The following TRIM34 variants were observed in gnomAD, a reference collection of about 807,000 sequenced individuals.
TRIM34 encodes tripartite motif containing 34, also known as E3 ubiquitin-protein ligase TRIM34.
A neutral mutation model predicts 38.1 loss-of-function variants in TRIM34; 41 were observed. The observed-to-expected ratio is 1.08, with a 90% CI of 0.84 to 1.40. TRIM34 has a LOEUF of 1.40. Among genes scored for constraint, TRIM34 ranks in the 40% most tolerant of loss-of-function variants. TRIM34 has a pLI of 0.00. For missense variants in TRIM34, 556 were observed against 571.4 expected, an observed-to-expected ratio of 0.97 and a Z score of 0.27; for synonymous variants, 200 against 202.5, an observed-to-expected ratio of 0.99 and a Z score of 0.10.
upstream of TRIM34, among the ~76,000 whole-genome samples, chr11:5,622,129 T>A (rs1230135192): frequency 6.6e-6 from 1 of 152,100 alleles, no homozygotes; most frequent in Admixed American, 6.6e-5. Flanking sequence ...TCCATTGAAC[T>A]CAGAGAAATG....
intron 3 of TRIM34, among the ~76,000 whole-genome samples, chr11:5,634,168 T>C (rs943098682): frequency 1.3e-5 from 2 of 152,160 alleles, no homozygotes; most frequent in African/African-American, 4.8e-5. Context: ...CCAACGGGGC[T>C]CTACTACTTC....
intron 4 of TRIM34, among the ~76,000 whole-genome samples, chr11:5,639,731 C>T (rs777224448): frequency 2.9e-5 from 4 of 137,298 alleles, no homozygotes; most frequent in Admixed American, 7.4e-5. Context: ...TGCCTATAGG[C>T]GGTGGATAGA....
chr11:5,628,132 A>G (rs532428246), intron 1 of TRIM34, among the ~76,000 whole-genome samples: 4 of 152,170 alleles, frequency 2.6e-5, no homozygotes, highest in Non-Finnish European at 4.4e-5. Context: ...GTTACTCTGC[A>G]CTTTTCTCAT....
chr11:5,627,520 C>T (rs1345692500), intron 1 of TRIM34, among the ~76,000 whole-genome samples: 1 of 152,160 alleles, frequency 6.6e-6, no homozygotes, highest in East Asian at 1.9e-4. Flanking sequence ...AGCATATTCT[C>T]ACGAAGTAAC....
At position 5,629,264 on chromosome 11, in the gene TRIM34, G is replaced by A. The variant is rs557007348; in HGVS notation, c.-77-2991G>A. 2.8e-4 allele frequency among the ~76,000 whole-genome samples: 42 copies of A among 151,698 alleles called. No homozygotes were observed. The Middle Eastern group carries it at 0.01, about 37-fold the overall frequency. Reference sequence around the variant, plus strand: ...TGCATTCCAGCCTGGGCGACAGAGCGAAACTCCATCTCAAAAAAAAACAAA... The same window carrying A: ...TGCATTCCAGCCTGGGCGACAGAGCAAAACTCCATCTCAAAAAAAAACAAA... On this transcript the variant is annotated intron_variant, in intron 1 of 7. Transcript: ENST00000429814.
At position 5,632,398 on chromosome 11, in the gene TRIM34, A is replaced by G. The variant is rs752450519; in HGVS notation, c.67A>G (p.Thr23Ala). The G allele has an allele frequency of 8.1e-6, 13 of 1,613,916 alleles. No homozygotes were observed. The Admixed American group carries it at 1.8e-4, about 23-fold the overall frequency. The change falls in exon 2 of 8, where the codon ACA (threonine) becomes GCA (alanine). Residue 23 changes from threonine (T) to alanine (A), a missense_variant. Coordinates refer to ENST00000429814, the MANE Select transcript of TRIM34 (RefSeq NM_021616.6). ...VTCPICLELL[T>A]EPLSLDCGHS... is the part of the protein sequence containing the mutation. ...CTGTCCCATCTGCCTGGAGCTGTTG[A>G]CAGAACCCTTGAGTCTAGACTGTGG...
intron 4 of TRIM34, among the ~76,000 whole-genome samples, chr11:5,635,665 A>G (rs540450738): frequency 6.6e-6 from 1 of 152,194 alleles, no homozygotes; most frequent in East Asian, 1.9e-4. Context: ...TGAATTTCCA[A>G]ATATTTCCTT....
At chr11:5,629,172 G>T (rs760149826) in intron 1 of TRIM34, among the ~76,000 whole-genome samples, 17 of 152,118 alleles carry the variant, frequency 1.1e-4, no homozygotes, top group Non-Finnish European at 2.4e-4. Context: ...AGCTACTCAG[G>T]AGACTGAGGC....
In TRIM34 at chr11:5,642,079, G is replaced by A. The variant is rs1850038180; in HGVS notation, c.774-327G>A. 2.0e-5 allele frequency among the ~76,000 whole-genome samples: 3 copies of A among 152,064 alleles called. 1 individual carries two copies. The South Asian group carries it at 6.2e-4, about 32-fold the overall frequency. ...CACATATCACATACCATTTCTACAGGTAGCAAAGTCTTTTCCTATCGTTTT... is the reference window on the plus strand; with the variant it reads ...CACATATCACATACCATTTCTACAGATAGCAAAGTCTTTTCCTATCGTTTT... On this transcript the variant is annotated intron_variant, in intron 5 of 7. Coordinates refer to ENST00000429814, the MANE Select transcript of TRIM34 (RefSeq NM_021616.6).
Position 5,642,303 on chromosome 11 carries a change from G to A in TRIM34, c.774-103G>A, listed in dbSNP as rs539779363. The A allele has an allele frequency of 1.3e-5, 13 of 1,019,202 alleles. No homozygotes were observed. The African/African-American group carries it at 2.1e-4, about 16-fold the overall frequency. The allele number at this position is 1,019,202 out of a possible 1,614,324, so 63.1% of individuals were successfully genotyped here. Reference sequence around the variant, plus strand: ...CCCCCTCCTCAGGCTCAGGGAGAAGGGTTCAAGTGCATCAGTGATGTGAAG... The same window carrying A: ...CCCCCTCCTCAGGCTCAGGGAGAAGAGTTCAAGTGCATCAGTGATGTGAAG... On this transcript the variant is annotated intron_variant, in intron 5 of 7. Coordinates refer to ENST00000429814, the MANE Select transcript of TRIM34 (RefSeq NM_021616.6).
chr11:5,640,306 T>G (rs184858165), intron 4 of TRIM34, among the ~76,000 whole-genome samples: 43 of 152,102 alleles, frequency 2.8e-4, no homozygotes, highest in African/African-American at 9.9e-4. Flanking sequence ...ATTCCAAGTT[T>G]GTTACCATTC....
rs901834472 is a variant in TRIM34 at position 5,625,049 on chromosome 11, G to A, written c.-89G>A. On this transcript the variant is annotated 5_prime_UTR_variant, in exon 1 of 8. Coordinates refer to ENST00000429814, the MANE Select transcript of TRIM34 (RefSeq NM_021616.6). ...TCTTCAACCAGGAGCCGAGATTTCTGTTGCTCTGAAGGTGTGTGGGGAGGT... is the reference window on the plus strand; with the variant it reads ...TCTTCAACCAGGAGCCGAGATTTCTATTGCTCTGAAGGTGTGTGGGGAGGT... 1 of 152,372 alleles carries A rather than the reference G, an allele frequency of 6.6e-6. No homozygotes were observed. The highest frequency in any genetic ancestry group is 1.5e-5 in the Non-Finnish European group (1 of 68,162). The allele number at this position is 152,372 out of a possible 1,614,324, so 9.4% of individuals were successfully genotyped here.
intron 4 of TRIM34, among the ~76,000 whole-genome samples, chr11:5,636,499 G>A (rs577515380): frequency 3.9e-5 from 6 of 152,134 alleles, no homozygotes; most frequent in Admixed American, 3.9e-4. Context: ...CACTGTAAAG[G>A]GCAAATCTTA....
chr11:5,620,318 C>T (rs1050183421), upstream of TRIM34, among the ~76,000 whole-genome samples: 3 of 151,760 alleles, frequency 2.0e-5, no homozygotes, highest in African/African-American at 7.3e-5. Flanking sequence ...ACTGGGACTA[C>T]AGGCGCGCGC....
chr11:5,633,142 CTTTCTT>C (rs1849563051), intron 2 of TRIM34, among the ~76,000 whole-genome samples: 1 of 104,112 alleles, frequency 9.6e-6, no homozygotes, highest in Non-Finnish European at 1.9e-5. Context: ...CCGGCCTTTT[CTTTCTT>C]TTTTTTTTTT....
In TRIM34 at chr11:5,643,250, T is replaced by C. The variant is rs1328107757; in HGVS notation, c.1008T>C (p.Tyr336=). 4 of 1,613,946 alleles carry C rather than the reference T, an allele frequency of 2.5e-6. No individual in the cohort carries two copies. Among genetic ancestry groups the C allele is most frequent in the Non-Finnish European group, 3.4e-6 (4 of 1,180,004 alleles). Residue 336 remains tyrosine, a synonymous_variant, in exon 8 of 8, where the codon TAT becomes TAC. Transcript: ENST00000429814. Reference sequence around the variant, plus strand: ...TTTGGCCTTTTCAGTGTTATAATTATGGTGTCTTGGGATCCCAATATTTCT... The same window carrying C: ...TTTGGCCTTTTCAGTGTTATAATTACGGTGTCTTGGGATCCCAATATTTCT... ...VPIWPFQCYN[Y]GVLGSQYFSS... is the part of the protein sequence containing the mutation.
Position 5,643,490 on chromosome 11 carries a change from CTCTGATCCCGAGGT to C in TRIM34, c.1250_1263del (p.Ser417PhefsTer19). The C allele has an allele frequency of 6.2e-7, 1 of 1,614,120 alleles. No homozygotes were observed. Among genetic ancestry groups the C allele is most frequent in the East Asian group, 2.2e-5 (1 of 44,892 alleles). ...ATGGTGTCTTTGAAGAGTCTTTGTC[CTCTGATCCCGAGGT>C]TTTGACTCTCTCCATGGCTGTGCCT... is the stretch of plus-strand genomic sequence containing the variant. On this transcript the variant is annotated frameshift_variant, in exon 8 of 8. Coordinates refer to ENST00000429814, the MANE Select transcript of TRIM34 (RefSeq NM_021616.6). LOFTEE classifies it low-confidence loss of function (END_TRUNC).
chr11:5,631,056 T>A (rs1849461789), intron 1 of TRIM34, among the ~76,000 whole-genome samples: 1 of 152,200 alleles, frequency 6.6e-6, no homozygotes, highest in African/African-American at 2.4e-5. Context: ...CCAACAGCCA[T>A]CTCCTTGCTA....
chr11:5,634,530 C>CACACACACATATATAT (rs1491498839), intron 3 of TRIM34, 101 bp from the exon 4 acceptor site: 13 of 203,880 alleles, frequency 6.4e-5, no homozygotes, highest in African/African-American at 4.1e-4. Context: ...CACACACACA[C>CACACACACATATATAT]ATATATATAT....
Sources: allele counts gnomAD v4.1 joint callset (sites outside exome capture counted in the v4.1 genomes callset), GRCh38; gene constraint gnomAD v4.1.1; transcripts MANE v1.5; gene names NCBI Gene and HGNC (gene_info 2026-07-23, HGNC 2026-07-21).